Variants in BTBD9 observed in about 807,000 individuals in gnomAD.
The protein encoded by BTBD9 is BTB/POZ domain-containing protein 9.
BTBD9 carries 49 observed loss-of-function variants against 64.3 expected under a neutral mutation model. The observed-to-expected ratio is 0.76, with a 90% CI of 0.61 to 0.97. BTBD9 has a LOEUF of 0.97. BTBD9 is among the 50% of genes least tolerant of loss of function. BTBD9 has a pLI of 0.00. For synonymous variants in BTBD9, 260 were observed against 274.7 expected, an observed-to-expected ratio of 0.95 and a Z score of 0.53; for missense variants, 598 against 762.1, an observed-to-expected ratio of 0.78 and a Z score of 2.53.
At chr6:38,390,308 C>A (rs13214173) in intron 6 of BTBD9, among the ~76,000 whole-genome samples, 39,875 of 152,036 alleles carry the variant, frequency 0.26, 5,851 homozygotes, top group Non-Finnish European at 0.33. Context: ...TGGTCTCGAA[C>A]TCCTGACCTC....
chr6:38,582,348 G>A (rs1776328863), intron 4 of BTBD9, among the ~76,000 whole-genome samples: 1 of 152,122 alleles, frequency 6.6e-6, no homozygotes, highest in Non-Finnish European at 1.5e-5. Context: ...TAAGCACTTT[G>A]CAAATATTAA....
chr6:38,631,638 G>C (rs1562446084), intron 1 of BTBD9, among the ~76,000 whole-genome samples: 1 of 152,102 alleles, frequency 6.6e-6, no homozygotes. Flanking sequence ...AGGAACTGAG[G>C]CCTCCTGTCA....
chr6:38,605,828 T>C (rs947100097), intron 1 of BTBD9, among the ~76,000 whole-genome samples: 3 of 152,116 alleles, frequency 2.0e-5, no homozygotes, highest in African/African-American at 2.4e-5. Flanking sequence ...ATGGTTAATA[T>C]TGAGTGTCAA....
chr6:38,235,708 A>G (rs1438610389), intron 9 of BTBD9, among the ~76,000 whole-genome samples: 2 of 152,182 alleles, frequency 1.3e-5, no homozygotes, highest in Admixed American at 1.3e-4. Context: ...AGTAACAGAG[A>G]TATCTGTAAC....
chr6:38,317,791 A>G (rs1763077563), intron 7 of BTBD9, among the ~76,000 whole-genome samples: 1 of 152,088 alleles, frequency 6.6e-6, no homozygotes, highest in African/African-American at 2.4e-5. Context: ...AGAGACTCCA[A>G]TGCATTCTTC....
chr6:38,556,105 G>A (rs1775000833), intron 6 of BTBD9, among the ~76,000 whole-genome samples: 1 of 152,140 alleles, frequency 6.6e-6, no homozygotes, highest in African/African-American at 2.4e-5. Flanking sequence ...GCTAACAAGG[G>A]CATCATATAC....
At chr6:38,608,855 A>C (rs899097634) in intron 1 of BTBD9, among the ~76,000 whole-genome samples, 2 of 152,176 alleles carry the variant, frequency 1.3e-5, no homozygotes, top group Admixed American at 1.3e-4. Context: ...TTTCCCCTAT[A>C]TAACCTCTTC....
At position 38,435,126 on chromosome 6, in the gene BTBD9, A is replaced by G. The variant is rs552672127; in HGVS notation, c.1155-90033T>C. On this transcript the variant is annotated intron_variant, in intron 6 of 10. Transcript: ENST00000481247. ...GGAGAATAGCTTGAACCTGGAAGGC[A>G]GAGGTTGCAGTGAGCTGAGATTGTA... Among the ~76,000 whole-genome samples the G allele has an allele frequency of 1.3e-4, 17 of 134,524 alleles. No individual in the cohort carries two copies. The East Asian group carries it at 3.4e-3, about 27-fold the overall frequency. 88.3% of individuals were successfully genotyped at this position (134,524 alleles called of 152,430 possible).
intron 9 of BTBD9, among the ~76,000 whole-genome samples, chr6:38,214,065 T>TA (rs1762927831): frequency 6.6e-6 from 1 of 152,118 alleles, no homozygotes; most frequent in African/African-American, 2.4e-5. Flanking sequence ...TTTCTTGATT[T>TA]AAAAAAAGTC....
At chr6:38,423,624 T>A (rs997551110) in intron 6 of BTBD9, among the ~76,000 whole-genome samples, 2 of 152,128 alleles carry the variant, frequency 1.3e-5, no homozygotes, top group Non-Finnish European at 2.9e-5. Context: ...CAAGTTACCA[T>A]AAAATGACCA....
chr6:38,487,321 C>T (rs1031293291), intron 6 of BTBD9, among the ~76,000 whole-genome samples: 2 of 152,154 alleles, frequency 1.3e-5, no homozygotes, highest in African/African-American at 2.4e-5. Context: ...TAGCTCATGC[C>T]TGTAATCCCA....
At chr6:38,618,368 G>A (rs537713947) in intron 1 of BTBD9, among the ~76,000 whole-genome samples, 69 of 152,324 alleles carry the variant, frequency 4.5e-4, no homozygotes, top group African/African-American at 1.4e-3. Flanking sequence ...CAAATGGAGT[G>A]AAATACCTTA....
intron 6 of BTBD9, among the ~76,000 whole-genome samples, chr6:38,430,750 A>G (rs1299683774): frequency 6.6e-6 from 1 of 151,828 alleles, no homozygotes; most frequent in Non-Finnish European, 1.5e-5. Context: ...CCTGGACTCA[A>G]GTGATCCTCC....
intron 3 of BTBD9, among the ~76,000 whole-genome samples, chr6:38,593,458 C>A (rs1776900220): frequency 6.6e-6 from 1 of 152,142 alleles, no homozygotes; most frequent in Non-Finnish European, 1.5e-5. Context: ...AATGGAGAGA[C>A]AATCACTACC....
rs544310777 is a variant in BTBD9, at chr6:38,238,249, A to G, written c.1562+18160T>C. 1.8e-4 allele frequency among the ~76,000 whole-genome samples: 28 copies of G among 152,362 alleles called. No individual in the cohort carries two copies. The Middle Eastern group carries it at 0.01, about 56-fold the overall frequency. On this transcript the variant is annotated intron_variant, in intron 9 of 10. Transcript: ENST00000481247. ...AGGAGGTCCTGAGAACAAGTGCTCA[A>G]GGTGGTCATTTGGGGCACAGCCTAG...
chr6:38,235,598 T>G (rs573163947), intron 9 of BTBD9, among the ~76,000 whole-genome samples: 1 of 152,256 alleles, frequency 6.6e-6, no homozygotes, highest in South Asian at 2.1e-4. Context: ...CTTGACGTGC[T>G]CATCTTAGCA....
intron 1 of BTBD9, among the ~76,000 whole-genome samples, chr6:38,635,365 A>G (rs1778495599): frequency 6.6e-6 from 1 of 152,030 alleles, no homozygotes; most frequent in Non-Finnish European, 1.5e-5. Flanking sequence ...CAAACTCCTG[A>G]CCTCAAGTGA....
chr6:38,341,251 T>C (rs1395542079), intron 7 of BTBD9, among the ~76,000 whole-genome samples: 2 of 152,232 alleles, frequency 1.3e-5, no homozygotes, highest in South Asian at 2.1e-4. Context: ...ACTGACTGCA[T>C]ATTTAATGCT....
chr6:38,629,454 T>C (rs1380398455), intron 1 of BTBD9, among the ~76,000 whole-genome samples: 2 of 152,128 alleles, frequency 1.3e-5, no homozygotes, highest in Admixed American at 6.5e-5. Context: ...ATACATCACA[T>C]CTATATTACC....
Sources: gnomAD v4.1 joint callset for allele counts (sites outside exome capture counted in the v4.1 genomes callset) on GRCh38, gnomAD v4.1.1 for gene constraint, MANE v1.5 for transcripts, NCBI Gene and HGNC (gene_info 2026-07-23, HGNC 2026-07-21) for gene names.